The following PHLDB2 variants were observed in gnomAD, a reference collection of about 807,000 sequenced individuals.
The protein encoded by PHLDB2 is pleckstrin homology-like domain family B member 2.
Under a neutral mutation model 123.6 loss-of-function variants are expected in PHLDB2, and 71 were observed. That is an observed-to-expected ratio of 0.57 (90% CI 0.47 to 0.70). The LOEUF (loss-of-function observed/expected upper bound fraction) is 0.70. PHLDB2 is among the 30% of genes least tolerant of loss of function. PHLDB2 has a pLI of 0.00. For missense variants in PHLDB2, 1,446 were observed against 1,519.5 expected (o/e 0.95, Z 0.80); for synonymous variants, 547 against 541.6 (o/e 1.01, Z -0.14).
intron 2 of PHLDB2, chr3:111,885,807 C>T (rs1421293594): frequency 5.3e-6 from 3 of 563,200 alleles, no homozygotes; most frequent in Non-Finnish European, 9.4e-6. Flanking sequence ...GAGAAGTAGT[C>T]AGTGAAATCA....
chr3:111,732,567 GA>G, exon 1 of PHLDB2: 3 of 1,460,826 alleles, frequency 2.1e-6, no homozygotes, highest in African/African-American at 1.4e-5. Flanking sequence ...CATGCTTGGG[GA>G]AAAGGAGAAA....
chr3:111,912,347 T>C lies in PHLDB2; in HGVS notation c.1336-972T>C, dbSNP rs1044604905. Among the ~76,000 whole-genome samples, 6 of 152,222 alleles carry C rather than the reference T, an allele frequency of 3.9e-5. 1 individual carries two copies. Among genetic ancestry groups the C allele is most frequent in the Admixed American group, 1.3e-4 (2 of 15,278 alleles). ...GTCTGGTAAGATTGCAGTACTCTTA[T>C]AGATATCAATGGCCTATGTATTGAT... is the stretch of plus-strand genomic sequence containing the variant. On this transcript the variant is annotated intron_variant, in intron 2 of 17. Coordinates refer to ENST00000431670, the MANE Select transcript of PHLDB2 (RefSeq NM_001134438.2).
intron 2 of PHLDB2, among the ~76,000 whole-genome samples, chr3:111,908,843 A>G (rs1241900387): frequency 1.3e-5 from 2 of 148,452 alleles, no homozygotes; most frequent in Non-Finnish European, 3.0e-5. Context: ...GGATTTGTAC[A>G]TGGAATCCTG....
chr3:111,822,566 T>G (rs2062451608), intron 1 of PHLDB2, among the ~76,000 whole-genome samples: 1 of 152,098 alleles, frequency 6.6e-6, no homozygotes, highest in Non-Finnish European at 1.5e-5. Flanking sequence ...TGCCCCATCT[T>G]AAAGGATGGG....
chr3:111,780,413 A>T (rs1041306996), intron 1 of PHLDB2, among the ~76,000 whole-genome samples: 1 of 126,778 alleles, frequency 7.9e-6, no homozygotes, highest in African/African-American at 3.0e-5. Context: ...GAAGAAGAAA[A>T]AGATTAGTTC....
In PHLDB2 at chr3:111,955,489, T is replaced by C. The variant is rs755699393; in HGVS notation, c.2872+1460T>C. Among the ~76,000 whole-genome samples the C allele has an allele frequency of 2.6e-4, 39 of 152,210 alleles. 1 individual carries two copies. In the Middle Eastern group the frequency reaches 0.01, roughly 40 times the overall value. On this transcript the variant is annotated intron_variant, in intron 12 of 17. Transcript: ENST00000431670. ...TTTGAGACAAGGTCTCACTCTGTTG[T>C]CCAGGCTGGAATGCAGTGGTGTGTG...
Position 111,884,128 on chromosome 3 carries a change from C to T in PHLDB2, c.51C>T (p.Ser17=). Residue 17 remains serine (S), a synonymous_variant, in exon 2 of 18, where the codon AGC becomes AGT. Coordinates refer to ENST00000431670, the MANE Select transcript of PHLDB2 (RefSeq NM_001134438.2). ...AGGAGCTAGATTTACAAAATGGTAG[C>T]TTAGAGGAAGACTCTGTGGTGCATT... ...IQKELDLQNG[S]LEEDSVVHSV... The T allele has an allele frequency of 6.2e-7, 1 of 1,614,026 alleles. No individual in the cohort carries two copies. Among genetic ancestry groups the T allele is most frequent in the Non-Finnish European group, 8.5e-7 (1 of 1,179,906 alleles).
At chr3:111,786,264 T>C (rs1270434869) in intron 1 of PHLDB2, among the ~76,000 whole-genome samples, 2 of 152,196 alleles carry the variant, frequency 1.3e-5, no homozygotes, top group African/African-American at 2.4e-5. Flanking sequence ...TTAAGGATAA[T>C]GACAAGAAAA....
intron 9 of PHLDB2, among the ~76,000 whole-genome samples, chr3:111,947,441 T>C (rs1356658429): frequency 2.6e-5 from 4 of 152,220 alleles, no homozygotes; most frequent in Non-Finnish European, 5.9e-5. Context: ...TGTTTTTCTT[T>C]TTTTCTTCTG....
chr3:111,824,443 T>C (rs2062555965), intron 1 of PHLDB2, among the ~76,000 whole-genome samples: 1 of 152,182 alleles, frequency 6.6e-6, no homozygotes. Context: ...CTCAATAGCC[T>C]GACTAGCCAA....
At chr3:111,916,902 A>G (rs2068212062) in intron 3 of PHLDB2, 1 of 152,224 alleles carries the variant, frequency 6.6e-6, no homozygotes, top group South Asian at 2.1e-4. Flanking sequence ...TGTGCTTATT[A>G]AAACATGTCA....
chr3:111,764,354 C>G (rs1476932558), intron 1 of PHLDB2, among the ~76,000 whole-genome samples: 1 of 152,150 alleles, frequency 6.6e-6, no homozygotes, highest in Admixed American at 6.6e-5. Flanking sequence ...AAAACAATCC[C>G]AACATCTGAG....
At chr3:111,849,249 C>G (rs1437649965) in intron 2 of PHLDB2, among the ~76,000 whole-genome samples, 1 of 152,172 alleles carries the variant, frequency 6.6e-6, no homozygotes, top group East Asian at 1.9e-4. Context: ...TAGCTCACTG[C>G]AGCCTTGAAT....
At chr3:111,931,211 T>C (rs2069131256) in intron 5 of PHLDB2, among the ~76,000 whole-genome samples, 1 of 152,242 alleles carries the variant, frequency 6.6e-6, no homozygotes, top group South Asian at 2.1e-4. Flanking sequence ...GAAGGTCAAA[T>C]TGTCAAAGTG....
In PHLDB2 at chr3:111,945,528, A is replaced by T. The variant is rs933350116; in HGVS notation, c.2487+171A>T. The T allele has an allele frequency of 6.2e-6, 4 of 641,274 alleles. No individual in the cohort carries two copies. In the African/African-American group the frequency reaches 7.4e-5, roughly 12 times the overall value. The allele number at this position is 641,274 out of a possible 1,614,324, so 39.7% of individuals were successfully genotyped here. ...ATTATGTATGCTTTGAGGATTTCAGAGATTATCCTTGTGTCTAATGCAGAT... is the reference window on the plus strand; with the variant it reads ...ATTATGTATGCTTTGAGGATTTCAGTGATTATCCTTGTGTCTAATGCAGAT... On this transcript the variant is annotated intron_variant, in intron 9 of 17. Transcript: ENST00000431670.
intron 16 of PHLDB2, among the ~76,000 whole-genome samples, chr3:111,972,946 T>A (rs973477918): frequency 6.6e-6 from 1 of 152,204 alleles, no homozygotes; most frequent in African/African-American, 2.4e-5. Flanking sequence ...GAGGCTGTCT[T>A]ATTTGCACTT....
intron 1 of PHLDB2, among the ~76,000 whole-genome samples, chr3:111,770,985 C>G (rs2060167319): frequency 6.6e-6 from 1 of 152,190 alleles, no homozygotes; most frequent in Non-Finnish European, 1.5e-5. Flanking sequence ...CCAGCCGCCT[C>G]ATGGCATGCA....
chr3:111,943,244 A>G (rs1056976093), intron 8 of PHLDB2, among the ~76,000 whole-genome samples: 3 of 152,194 alleles, frequency 2.0e-5, no homozygotes, highest in South Asian at 2.1e-4. Flanking sequence ...GGACCCATAC[A>G]TATATACTGT....
At chr3:111,881,955 T>A (rs1409420763) in intron 1 of PHLDB2, among the ~76,000 whole-genome samples, 2 of 152,220 alleles carry the variant, frequency 1.3e-5, no homozygotes, top group Non-Finnish European at 2.9e-5. Flanking sequence ...CCTTGTATTA[T>A]ATACAGAAAT....
Sources: allele counts gnomAD v4.1 joint callset (sites outside exome capture counted in the v4.1 genomes callset), GRCh38; gene constraint gnomAD v4.1.1; transcripts MANE v1.5; gene names NCBI Gene and HGNC (gene_info 2026-07-23, HGNC 2026-07-21).